FHIT: variants seen among roughly 807,000 people sequenced by gnomAD.
The protein encoded by FHIT is fragile histidine triad diadenosine triphosphatase, also known as bis(5'-adenosyl)-triphosphatase.
In FHIT, 19 loss-of-function variants were observed where a neutral mutation model predicts 17.9. That is an observed-to-expected ratio of 1.06 (90% CI 0.74 to 1.56). The LOEUF is 1.56. Among genes scored for constraint, FHIT ranks in the 40% most tolerant of loss-of-function variants. FHIT has a pLI of 0.00. For missense variants in FHIT, 248 were observed against 189.2 expected, an observed-to-expected ratio of 1.31 and a Z score of -1.82; for synonymous variants, 81 against 69.7, an observed-to-expected ratio of 1.16 and a Z score of -0.81.
chr3:59,941,278 A>G (rs1310950065), intron 7 of FHIT, among the ~76,000 whole-genome samples: 1 of 152,208 alleles, frequency 6.6e-6, no homozygotes, highest in Non-Finnish European at 1.5e-5. Flanking sequence ...TGAAGACACA[A>G]AAGGGGCAGG....
chr3:59,864,959 G>C (rs1702577120), intron 8 of FHIT, among the ~76,000 whole-genome samples: 1 of 152,068 alleles, frequency 6.6e-6, no homozygotes, highest in African/African-American at 2.4e-5. Flanking sequence ...CAGAGCTTCA[G>C]GCTCATAATT....
chr3:61,131,798 G>C (rs1196898947), intron 2 of FHIT, among the ~76,000 whole-genome samples: 1 of 152,190 alleles, frequency 6.6e-6, no homozygotes, highest in East Asian at 1.9e-4. Context: ...AAGGTTAGTG[G>C]TGCAATACTG....
chr3:60,754,509 T>TA (rs2042533908), intron 4 of FHIT, among the ~76,000 whole-genome samples: 1 of 152,172 alleles, frequency 6.6e-6, no homozygotes, highest in African/African-American at 2.4e-5. Flanking sequence ...CACATGCCTG[T>TA]AATCCCAGCT....
intron 2 of FHIT, among the ~76,000 whole-genome samples, chr3:61,145,266 T>G (rs1308700682): frequency 1.3e-5 from 2 of 152,148 alleles, no homozygotes; most frequent in African/African-American, 2.4e-5. Context: ...CATCCCCAGT[T>G]GTCCTAACAA....
At chr3:60,786,556 C>T (rs1219615873) in intron 4 of FHIT, among the ~76,000 whole-genome samples, 3 of 152,142 alleles carry the variant, frequency 2.0e-5, no homozygotes, top group East Asian at 1.9e-4. Flanking sequence ...AATCCTAAAA[C>T]GTACCTCACA....
chr3:60,665,066 T>C (rs2040350442), intron 4 of FHIT, among the ~76,000 whole-genome samples: 1 of 152,024 alleles, frequency 6.6e-6, no homozygotes, highest in South Asian at 2.1e-4. Flanking sequence ...TTTAAAGACT[T>C]ACTCTTTGAC....
At chr3:59,889,278 T>C (rs1349483296) in intron 8 of FHIT, among the ~76,000 whole-genome samples, 1 of 152,242 alleles carries the variant, frequency 6.6e-6, no homozygotes, top group East Asian at 1.9e-4. Flanking sequence ...TTCTAATTCA[T>C]ACTGTCTGAC....
chr3:60,115,008 T>A (rs1005787122), intron 5 of FHIT, among the ~76,000 whole-genome samples: 2 of 152,176 alleles, frequency 1.3e-5, no homozygotes, highest in African/African-American at 4.8e-5. Flanking sequence ...ATATGTTACA[T>A]TGTTTTCTCA....
In FHIT at chr3:61,185,614, A is replaced by G. The variant is rs549779488; in HGVS notation, c.-164+15003T>C. The stretch of plus-strand genomic sequence containing the variant: ...ACATCCACTTCGGTACTTTCTATCC[A>G]CATGAGAGAACACACTGCAGCAGGA... On this transcript the variant is annotated intron_variant, in intron 2 of 9. Coordinates refer to ENST00000492590, the MANE Select transcript of FHIT (RefSeq NM_002012.4). 4.2e-4 allele frequency among the ~76,000 whole-genome samples: 64 copies of G among 152,294 alleles called. 2 individuals carry two copies. Among genetic ancestry groups the G allele is most frequent in the African/African-American group, 1.5e-3 (62 of 41,564 alleles).
At chr3:61,004,152 T>C (rs1365398040) in intron 3 of FHIT, among the ~76,000 whole-genome samples, 1 of 152,002 alleles carries the variant, frequency 6.6e-6, no homozygotes, top group Non-Finnish European at 1.5e-5. Context: ...TGAAAGAAGG[T>C]GAGCACAGAT....
intron 4 of FHIT, among the ~76,000 whole-genome samples, chr3:60,687,947 C>T (rs1248927623): frequency 6.6e-6 from 1 of 151,974 alleles, no homozygotes; most frequent in East Asian, 1.9e-4. Flanking sequence ...GATTCTATTT[C>T]ATCTAAATAT....
chr3:61,052,671 T>A (rs1325772195), intron 2 of FHIT, among the ~76,000 whole-genome samples: 2 of 152,150 alleles, frequency 1.3e-5, no homozygotes, highest in Admixed American at 1.3e-4. Context: ...AAATCCTTAC[T>A]CTCAATTTAT....
intron 3 of FHIT, among the ~76,000 whole-genome samples, chr3:60,971,604 T>C (rs546899866): frequency 2.0e-4 from 30 of 152,246 alleles, no homozygotes; most frequent in Admixed American, 1.2e-3. Context: ...CTGATGTTTT[T>C]TCCCCCATGG....
Position 60,833,814 on chromosome 3 carries a change from A to G in FHIT, c.-110-11803T>C, listed in dbSNP as rs1337137162. Among the ~76,000 whole-genome samples, 3 of 152,118 alleles carry G rather than the reference A, an allele frequency of 2.0e-5. No individual in the cohort carries two copies. The East Asian group carries it at 5.8e-4, about 29-fold the overall frequency. ...TTCCCTCCCACTCCACCCCTTCTTA[A>G]CTTTTAACCACAAATCTGTACTCCA... On this transcript the variant is annotated intron_variant, in intron 3 of 9. Transcript: ENST00000492590.
chr3:60,441,089 G>C (rs1241316643), intron 5 of FHIT, among the ~76,000 whole-genome samples: 1 of 151,894 alleles, frequency 6.6e-6, no homozygotes, highest in East Asian at 1.9e-4. Flanking sequence ...CTCTTGCAAA[G>C]TCCCATAAGG....
chr3:60,126,307 C>G (rs552609472), intron 5 of FHIT, among the ~76,000 whole-genome samples: 1 of 152,298 alleles, frequency 6.6e-6, no homozygotes, highest in East Asian at 1.9e-4. Context: ...CTAAACCCCA[C>G]CAGTGCCTCT....
At chr3:60,189,486 T>C (rs1702305623) in intron 5 of FHIT, among the ~76,000 whole-genome samples, 1 of 152,176 alleles carries the variant, frequency 6.6e-6, no homozygotes, top group African/African-American at 2.4e-5. Flanking sequence ...TTCTGCTGAA[T>C]GCTACAACTC....
rs150540470 is a variant in FHIT, at chr3:59,764,663, G to T, written c.349-12342C>A. ...CTCTTTAATGAAGACATAAAGCCTTGAATGCATCTGAAACGCTATGCTTAC... is the reference window on the plus strand; with the variant it reads ...CTCTTTAATGAAGACATAAAGCCTTTAATGCATCTGAAACGCTATGCTTAC... On this transcript the variant is annotated intron_variant, in intron 8 of 9. Coordinates refer to ENST00000492590, the MANE Select transcript of FHIT (RefSeq NM_002012.4). 1.7e-3 allele frequency among the ~76,000 whole-genome samples: 253 copies of T among 152,154 alleles called. 1 individual carries two copies. The highest frequency in any genetic ancestry group is 5.9e-3 in the African/African-American group (243 of 41,516).
At chr3:59,883,779 C>A (rs1467648777) in intron 8 of FHIT, among the ~76,000 whole-genome samples, 1 of 152,186 alleles carries the variant, frequency 6.6e-6, no homozygotes, top group Non-Finnish European at 1.5e-5. Context: ...TACAGATTAA[C>A]TGTTTTCTTG....
Sources: allele counts gnomAD v4.1 joint callset (sites outside exome capture counted in the v4.1 genomes callset), GRCh38; gene constraint gnomAD v4.1.1; transcripts MANE v1.5; gene names NCBI Gene and HGNC (gene_info 2026-07-23, HGNC 2026-07-21).